Variants in FOXO3 observed in about 807,000 individuals in gnomAD.
The protein encoded by FOXO3 is forkhead box O3, also known as forkhead box protein O3.
FOXO3 carries 4 observed loss-of-function variants against 41.9 expected under a neutral mutation model. The ratio of observed to expected loss-of-function variants is 0.10; its 90% CI spans 0.05 to 0.22. The LOEUF (loss-of-function observed/expected upper bound fraction) is 0.22, where lower values mean the gene tolerates loss of function less well. Ranked by LOEUF, FOXO3 falls within the 10% of genes least tolerant of loss-of-function variation. The pLI, the probability that FOXO3 is intolerant of heterozygous loss-of-function variation, is 1.00. For missense variants in FOXO3, 534 were observed against 906.8 expected, an observed-to-expected ratio of 0.59 and a Z score of 5.28; for synonymous variants, 318 against 389.3, an observed-to-expected ratio of 0.82 and a Z score of 2.16.
At chr6:108,667,735 G>A (rs987398020) in intron 2 of FOXO3, among the ~76,000 whole-genome samples, 17 of 152,146 alleles carry the variant, frequency 1.1e-4, no homozygotes, top group East Asian at 7.7e-4. Flanking sequence ...GGTCATCTTC[G>A]CCTCAGAATA....
chr6:108,586,234 T>C (rs1209781052), intron 1 of FOXO3, among the ~76,000 whole-genome samples: 1 of 152,206 alleles, frequency 6.6e-6, no homozygotes, highest in Non-Finnish European at 1.5e-5. Flanking sequence ...ATTTCACTCT[T>C]GAGTTTCATA....
chr6:108,598,085 G>T (rs887702366), intron 1 of FOXO3, among the ~76,000 whole-genome samples: 1 of 152,168 alleles, frequency 6.6e-6, no homozygotes, highest in African/African-American at 2.4e-5. Flanking sequence ...GGAGTTTGAG[G>T]TTCCAGTGAT....
intron 1 of FOXO3, among the ~76,000 whole-genome samples, chr6:108,600,546 C>CAAAAAAA (rs56888212): frequency 2.1e-5 from 1 of 47,744 alleles, no homozygotes; most frequent in Non-Finnish European, 3.4e-5. Context: ...GTCTCCATCT[C>CAAAAAAA]AAAAAAAAAA....
intron 1 of FOXO3, among the ~76,000 whole-genome samples, chr6:108,584,105 C>G (rs986167786): frequency 5.3e-5 from 8 of 152,212 alleles, no homozygotes; most frequent in African/African-American, 1.9e-4. Flanking sequence ...CATTTAGTTT[C>G]ATTCCGCCGG....
At chr6:108,678,714 T>C (rs549687464) in intron 2 of FOXO3, among the ~76,000 whole-genome samples, 3 of 151,958 alleles carry the variant, frequency 2.0e-5, no homozygotes, top group South Asian at 2.1e-4. Flanking sequence ...TAATTTTTTT[T>C]CTCCAAATTT....
At chr6:108,612,868 G>A (rs1196952477) in intron 1 of FOXO3, among the ~76,000 whole-genome samples, 3 of 152,074 alleles carry the variant, frequency 2.0e-5, no homozygotes, top group Non-Finnish European at 4.4e-5. Flanking sequence ...TCACTGTTAA[G>A]TATCATGTTA....
At chr6:108,654,797 A>G (rs1778641078) in intron 1 of FOXO3, among the ~76,000 whole-genome samples, 1 of 151,262 alleles carries the variant, frequency 6.6e-6, no homozygotes, top group Non-Finnish European at 1.5e-5. Flanking sequence ...GCAAGAGTAG[A>G]GTGGAGCTAG....
chr6:108,651,559 G>C (rs1225939014), intron 1 of FOXO3, among the ~76,000 whole-genome samples: 1 of 152,198 alleles, frequency 6.6e-6, no homozygotes, highest in Non-Finnish European at 1.5e-5. Flanking sequence ...TGAAGAGCTA[G>C]AAGCAGTTGT....
intron 1 of FOXO3, among the ~76,000 whole-genome samples, chr6:108,632,433 A>G (rs2000402): frequency 0.021 from 3,194 of 152,264 alleles, 122 homozygotes; most frequent in African/African-American, 0.073. Context: ...TATAATAGCA[A>G]CTATGCTCTT....
At chr6:108,615,620 A>T (rs12211662) in intron 1 of FOXO3, among the ~76,000 whole-genome samples, 1,951 of 151,940 alleles carry the variant, frequency 0.013, 12 homozygotes, top group Middle Eastern at 0.02. Flanking sequence ...GTTTTTTATA[A>T]AAAAAATTTA....
At chr6:108,622,634 A>G (rs1370142750) in intron 1 of FOXO3, among the ~76,000 whole-genome samples, 2 of 152,084 alleles carry the variant, frequency 1.3e-5, no homozygotes, top group East Asian at 3.8e-4. Flanking sequence ...AAATCCTGAC[A>G]GGAGCCTTTC....
intron 1 of FOXO3, among the ~76,000 whole-genome samples, chr6:108,572,471 A>G (rs1470899333): frequency 1.3e-5 from 2 of 152,202 alleles, no homozygotes; most frequent in Non-Finnish European, 2.9e-5. Flanking sequence ...TCAAAAAACC[A>G]GCTCTTCTTT....
chr6:108,651,326 A>G (rs183399623), intron 1 of FOXO3, among the ~76,000 whole-genome samples: 1 of 152,220 alleles, frequency 6.6e-6, no homozygotes, highest in Non-Finnish European at 1.5e-5. Flanking sequence ...CCTGCTTCCA[A>G]ATGCATGCAC....
chr6:108,668,125 ACTT>A (rs1779111992), intron 2 of FOXO3, among the ~76,000 whole-genome samples: 2 of 152,164 alleles, frequency 1.3e-5, no homozygotes, highest in African/African-American at 4.8e-5. Context: ...TCTTGGTTTA[ACTT>A]CTTAGTGTTT....
At chr6:108,560,425 C>G (rs1056457617), upstream of FOXO3, among the ~76,000 whole-genome samples, 5 of 152,230 alleles carry the variant, frequency 3.3e-5, no homozygotes, top group African/African-American at 1.2e-4. Context: ...TGCTGCTCCC[C>G]CTTCTTTCTG....
chr6:108,586,653 A>G (rs1252723218), intron 1 of FOXO3, among the ~76,000 whole-genome samples: 1 of 152,158 alleles, frequency 6.6e-6, no homozygotes, highest in Non-Finnish European at 1.5e-5. Flanking sequence ...AAACTGAGGA[A>G]GCAGAAGAGA....
At position 108,561,097 on chromosome 6, in the gene FOXO3, G is replaced by C; in HGVS notation, c.-112G>C. 1 of 1,427,964 alleles carries C rather than the reference G, an allele frequency of 7.0e-7. No individual in the cohort carries two copies. The highest frequency in any genetic ancestry group is 1.4e-5 in the South Asian group (1 of 69,522). 88.5% of individuals were successfully genotyped at this position (1,427,964 alleles called of 1,614,324 possible). A position where few individuals can be genotyped will look rare whatever the true frequency, so the allele number is the denominator to read the frequency against. ...TGGTGCTTCCCCAGGCGGCGGCGGC[G>C]GCGCCCGGGAGCCGGAGCCTTCGCG... On this transcript the variant is annotated 5_prime_UTR_variant, in exon 1 of 3. Coordinates refer to ENST00000406360, the MANE Select transcript of FOXO3 (RefSeq NM_001455.4).
chr6:108,664,931 A>C, intron 2 of FOXO3, 42 bp downstream of exon 2: 2 of 1,528,434 alleles, frequency 1.3e-6, no homozygotes, highest in Non-Finnish European at 1.8e-6. Flanking sequence ...CAATATGGGG[A>C]TGAGGGGGGA....
At position 108,614,513 on chromosome 6, in the gene FOXO3, A is replaced by G. The variant is rs76183568; in HGVS notation, c.622-48942A>G. The stretch of plus-strand genomic sequence containing the variant: ...TATTTGTTGTTGAAATCTGTTCATT[A>G]ATAACTGTTAATAATATAGTTACTC... On this transcript the variant is annotated intron_variant, in intron 1 of 2. Coordinates refer to ENST00000406360, the MANE Select transcript of FOXO3 (RefSeq NM_001455.4). Among the ~76,000 whole-genome samples, 635 of 152,196 alleles carry G rather than the reference A, an allele frequency of 4.2e-3. 4 individuals carry two copies. The highest frequency in any genetic ancestry group is 0.015 in the African/African-American group (609 of 41,546).
Sources: allele counts gnomAD v4.1 joint callset (sites outside exome capture counted in the v4.1 genomes callset), GRCh38; gene constraint gnomAD v4.1.1; transcripts MANE v1.5; gene names NCBI Gene and HGNC (gene_info 2026-07-23, HGNC 2026-07-21).